DMXL2: variants seen among roughly 807,000 people sequenced by gnomAD.
The protein encoded by DMXL2 is dmX-like protein 2.
Under a neutral mutation model 331.1 loss-of-function variants are expected in DMXL2, and 103 were observed. The ratio of observed to expected loss-of-function variants is 0.31; its 90% CI spans 0.27 to 0.37. The LOEUF is 0.37. Ranked by LOEUF, DMXL2 falls within the 10% of genes least tolerant of loss-of-function variation. The probability of loss-of-function intolerance (pLI) is 1.00; values close to 1 mark genes in which losing one functional copy is unlikely to be tolerated. For synonymous variants in DMXL2, 1,281 were observed against 1,252.1 expected, an observed-to-expected ratio of 1.02 and a Z score of -0.49; for missense variants, 3,171 against 3,642.9, an observed-to-expected ratio of 0.87 and a Z score of 3.33.
In DMXL2 at chr15:51,511,139, C is replaced by G. The variant is rs112430554; in HGVS notation, c.2644+3303G>C. 4.6e-4 allele frequency among the ~76,000 whole-genome samples: 70 copies of G among 152,138 alleles called. 1 individual carries two copies. The highest frequency in any genetic ancestry group is 1.5e-3 in the African/African-American group (64 of 41,524). ...ATTCAGGACGCAGGCATGGGCAAAG[C>G]CTTCATGACTAAAACACCAAAAACA... On this transcript the variant is annotated intron_variant, in intron 15 of 43. Coordinates refer to ENST00000560891, the MANE Select transcript of DMXL2 (RefSeq NM_001378457.1).
At chr15:51,527,494 C>G (rs563827049) in intron 13 of DMXL2, among the ~76,000 whole-genome samples, 30 of 152,100 alleles carry the variant, frequency 2.0e-4, no homozygotes, top group African/African-American at 7.2e-4. Flanking sequence ...TTTGGGAGGC[C>G]GAGGAGGGCA....
chr15:51,468,815 A>G (rs911053153), intron 29 of DMXL2, among the ~76,000 whole-genome samples: 3 of 152,228 alleles, frequency 2.0e-5, no homozygotes, highest in Non-Finnish European at 4.4e-5. Flanking sequence ...TTCCTATCCA[A>G]TCAGAATGAA....
chr15:51,501,322 T>C (rs2043586705), intron 17 of DMXL2, among the ~76,000 whole-genome samples: 1 of 152,172 alleles, frequency 6.6e-6, no homozygotes, highest in Non-Finnish European at 1.5e-5. Flanking sequence ...AACTCCCCAA[T>C]TAAAATTCTG....
rs746850030 is a variant in DMXL2, at chr15:51,567,042, C to CTTTTTTTTTTTTTTT, written c.285+1430_285+1444dup. ...AGGAATACCTACTATGTTCCAGATA[C>CTTTTTTTTTTTTTTT]TTTTTTTTTTTTTTTTTTGAGATGG... On this transcript the variant is annotated intron_variant, in intron 3 of 43. Transcript: ENST00000560891. The CTTTTTTTTTTTTTTT allele has an allele frequency of 1.7e-5, 2 of 118,222 alleles. 1 individual carries two copies. The allele number at this position is 118,222 out of a possible 1,614,324, so 7.3% of individuals were successfully genotyped here. A position where few individuals can be genotyped will look rare whatever the true frequency, so the allele number is the denominator to read the frequency against.
In DMXL2 at chr15:51,518,328, G is replaced by A. The variant is rs186114821; in HGVS notation, c.2437-1161C>T. On this transcript the variant is annotated intron_variant, in intron 13 of 43. Transcript: ENST00000560891. ...AGCCTGGGTGACAGGGCGAGACTCC[G>A]TCCAAAAAGGAAAAAAAAAGAAATG... Among the ~76,000 whole-genome samples the A allele has an allele frequency of 3.9e-5, 6 of 151,940 alleles. No individual in the cohort carries two copies. The East Asian group carries it at 1.2e-3, about 29-fold the overall frequency.
At position 51,617,357 on chromosome 15, in the gene DMXL2, TCATCTGCCAGGTGCCAAGGACCAAAACC is replaced by T. The variant is rs2054353053; in HGVS notation, c.87+5074_87+5101del. Among the ~76,000 whole-genome samples the T allele has an allele frequency of 4.6e-5, 7 of 152,286 alleles. No individual in the cohort carries two copies. In the South Asian group the frequency reaches 1.5e-3, roughly 32 times the overall value. On this transcript the variant is annotated intron_variant, in intron 1 of 43. Coordinates refer to ENST00000560891, the MANE Select transcript of DMXL2 (RefSeq NM_001378457.1). The stretch of plus-strand genomic sequence containing the variant: ...GTACTATGACAGTCGCAGGCAACTA[TCATCTGCCAGGTGCCAAGGACCAAAACC>T]TAATCAAGAGGCTTCTCCTCAGCTG...
In DMXL2 at chr15:51,449,142, C is replaced by T; in HGVS notation, c.9019G>A (p.Ala3007Thr). 6.2e-7 allele frequency: 1 copy of T among 1,614,152 alleles called. No individual in the cohort carries two copies. Among genetic ancestry groups the T allele is most frequent in the South Asian group, 1.1e-5 (1 of 91,082 alleles). ...GLIHSFKSEH[A>T]KQSIFRNIGA... is the part of the protein sequence containing the mutation. The stretch of plus-strand genomic sequence containing the variant: ...ATGTTTCGAAATATGGACTGCTTAG[C>T]ATGTTCACTTTTAAATGAATGAATT... The change falls in exon 44 of 44, where the codon GCT (alanine) becomes ACT (threonine). Residue 3007 changes from alanine to threonine, a missense_variant. Transcript: ENST00000560891.
At chr15:51,559,985 G>A (rs1013168108) in intron 6 of DMXL2, among the ~76,000 whole-genome samples, 3 of 152,126 alleles carry the variant, frequency 2.0e-5, no homozygotes, top group Admixed American at 2.0e-4. Flanking sequence ...TAACAGACAT[G>A]TACAAGACAT....
At position 51,478,307 on chromosome 15, in the gene DMXL2, G is replaced by A; in HGVS notation, c.6797C>T (p.Ser2266Leu). The A allele has an allele frequency of 1.2e-6, 2 of 1,613,088 alleles. No individual in the cohort carries two copies. Among genetic ancestry groups the A allele is most frequent in the Non-Finnish European group, 1.7e-6 (2 of 1,179,438 alleles). ...ACTGTCACATAATGCTTGGTAAATT[G>A]ATGCAGAAAGTGATGCTGCTAGTGA... ...LHSLAASLSASIYQALCDSHS... is the reference protein window; with the variant it reads ...LHSLAASLSALIYQALCDSHS... The change falls in exon 26 of 44, where the codon TCA becomes TTA. Residue 2266 changes from serine (S) to leucine (L), a missense_variant. Ser to Leu is a moderately radical substitution (Grantham distance 145). Around this residue, in one of 7 missense-constraint regions of DMXL2, gnomAD observed 18 missense variants for 40.9 expected, o/e 0.44. Transcript: ENST00000560891.
chr15:51,452,035 T>C (rs901272560), intron 41 of DMXL2, among the ~76,000 whole-genome samples: 1 of 152,196 alleles, frequency 6.6e-6, no homozygotes, highest in Non-Finnish European at 1.5e-5. Flanking sequence ...TGGGCATGTG[T>C]TGCTAATGAA....
In DMXL2 at chr15:51,464,820, C is replaced by A; in HGVS notation, c.7663G>T (p.Glu2555Ter). Residue 2555 changes from glutamate to a stop codon, truncating the protein, a stop_gained, in exon 32 of 44, where the codon GAA becomes TAA. Transcript: ENST00000560891. LOFTEE classifies it high-confidence loss of function. Reference protein sequence around the residue: ...IAVIKNLENWEQILQEKMDQF... With the variant: ...IAVIKNLENW The stretch of plus-strand genomic sequence containing the variant: ...TCCATTTTCTCTTGCAAGATCTGTT[C>A]CCAGTTCTCCAAGTTTTTAATCACA... The A allele has an allele frequency of 6.2e-7, 1 of 1,614,040 alleles. No homozygotes were observed. The highest frequency in any genetic ancestry group is 8.5e-7 in the Non-Finnish European group (1 of 1,179,984).
intron 1 of DMXL2, among the ~76,000 whole-genome samples, chr15:51,620,732 A>G (rs959944230): frequency 6.6e-6 from 1 of 152,216 alleles, no homozygotes; most frequent in Non-Finnish European, 1.5e-5. Flanking sequence ...TCTGGTAGAC[A>G]GTGCAGAGTC....
At chr15:51,514,646 C>T (rs1451868827) in intron 14 of DMXL2, 87 bp from the exon 15 acceptor site, 1 of 758,430 alleles carries the variant, frequency 1.3e-6, no homozygotes, top group Non-Finnish European at 2.2e-6. Flanking sequence ...AATGCTAATG[C>T]AGAAGAAATA....
intron 1 of DMXL2, among the ~76,000 whole-genome samples, chr15:51,600,315 C>T (rs1341344185): frequency 6.6e-6 from 1 of 152,186 alleles, no homozygotes; most frequent in Admixed American, 6.5e-5. Context: ...CTACCTGACT[C>T]ACCCTAATGA....
intron 1 of DMXL2, among the ~76,000 whole-genome samples, chr15:51,590,116 T>C (rs578163751): frequency 1.3e-5 from 2 of 152,196 alleles, no homozygotes; most frequent in African/African-American, 2.4e-5. Context: ...GGATCTGGCG[T>C]TGACACTTGA....
chr15:51,581,399 G>A (rs2051408655), intron 1 of DMXL2, among the ~76,000 whole-genome samples: 1 of 152,204 alleles, frequency 6.6e-6, no homozygotes, highest in South Asian at 2.1e-4. Context: ...TGCTCTAGAG[G>A]GTTTAATGTC....
intron 7 of DMXL2, 109 bp from the exon 8 acceptor site, chr15:51,545,875 GA>G: frequency 2.5e-6 from 2 of 802,950 alleles, no homozygotes; most frequent in Non-Finnish European, 3.9e-6. Context: ...AAACACTATG[GA>G]AAAAAGGAAT....
intron 13 of DMXL2, among the ~76,000 whole-genome samples, chr15:51,529,019 T>C (rs1756936432): frequency 6.6e-6 from 1 of 152,094 alleles, no homozygotes; most frequent in Admixed American, 6.5e-5. Flanking sequence ...AGTGAGTCAA[T>C]GAAGAAATTA....
Position 51,481,332 on chromosome 15 carries a change from T to A in DMXL2, c.5774A>T (p.Asp1925Val), listed in dbSNP as rs550261127. The change falls in exon 24 of 44, where the codon GAC becomes GTC. Residue 1925 changes from aspartate to valine, a missense_variant. By Grantham distance (152) the Asp-to-Val change is radical (BLOSUM62 -3). Transcript: ENST00000560891. ...ATCATCCATCCTGTGAGAAATGAAGTCAGGCTGATCTTTTTTTGCAGATAA... is the reference window on the plus strand; with the variant it reads ...ATCATCCATCCTGTGAGAAATGAAGACAGGCTGATCTTTTTTTGCAGATAA... ...SALSAKKDQPDFISHRMDDVP... is the reference protein window; with the variant it reads ...SALSAKKDQPVFISHRMDDVP... 6.2e-7 allele frequency: 1 copy of A among 1,614,126 alleles called. No individual in the cohort carries two copies. The highest frequency in any genetic ancestry group is 1.1e-5 in the South Asian group (1 of 91,066).
Sources: gnomAD v4.1 joint callset for allele counts (sites outside exome capture counted in the v4.1 genomes callset) on GRCh38, gnomAD v4.1.1 for gene constraint, gnomAD v4.1.1 regional missense constraint, MANE v1.5 for transcripts, NCBI Gene and HGNC (gene_info 2026-07-23, HGNC 2026-07-21) for gene names.